The following MICU2 variants were observed in gnomAD, a reference collection of about 807,000 sequenced individuals.
MICU2 encodes the protein calcium uptake protein 2, mitochondrial.
In MICU2, 64 loss-of-function variants were observed where a neutral mutation model predicts 60.4. The observed-to-expected ratio is 1.06, with a 90% CI of 0.87 to 1.31. The LOEUF (loss-of-function observed/expected upper bound fraction) is 1.31. Ranked by LOEUF, MICU2 falls within the 50% of genes most tolerant of loss-of-function variation. The pLI is 0.00. For missense variants in MICU2, 569 were observed against 531.0 expected (o/e 1.07, Z -0.70); for synonymous variants, 201 against 175.0 (o/e 1.15, Z -1.17).
At chr13:21,495,659 C>CCT in intron 10 of MICU2, 1 of 230,620 alleles carries the variant, frequency 4.3e-6, no homozygotes, top group Non-Finnish European at 8.4e-6. Flanking sequence ...CCTCGGCCTC[C>CCT]TGAATAGCTG....
At chr13:21,536,383 C>T (rs987855764) in intron 4 of MICU2, among the ~76,000 whole-genome samples, 2 of 151,460 alleles carry the variant, frequency 1.3e-5, no homozygotes, top group Non-Finnish European at 2.9e-5. Context: ...GCCCAGGTGA[C>T]CACACACAGC....
At chr13:21,531,452 T>A in intron 4 of MICU2, 1 of 643,844 alleles carries the variant, frequency 1.6e-6, no homozygotes, top group Non-Finnish European at 2.7e-6. Flanking sequence ...TATTGCTTTT[T>A]AACAAGAACT....
chr13:21,576,596 A>G (rs1888232640), intron 1 of MICU2, among the ~76,000 whole-genome samples: 1 of 152,150 alleles, frequency 6.6e-6, no homozygotes, highest in Admixed American at 6.6e-5. Flanking sequence ...CTGCAGTAGG[A>G]AAGTGATTCA....
chr13:21,498,500 G>A (rs574923303), intron 9 of MICU2, among the ~76,000 whole-genome samples: 8 of 142,690 alleles, frequency 5.6e-5, no homozygotes, highest in East Asian at 2.4e-4. Context: ...TGTCTCAGCC[G>A]CCTGAGTAGC....
chr13:21,548,336 T>A (rs988168092), intron 2 of MICU2, among the ~76,000 whole-genome samples: 19 of 152,220 alleles, frequency 1.2e-4, no homozygotes, highest in African/African-American at 4.6e-4. Context: ...GTTTCTAATA[T>A]GAACATAGGT....
chr13:21,543,989 G>C (rs1887346342), intron 2 of MICU2, among the ~76,000 whole-genome samples: 1 of 151,932 alleles, frequency 6.6e-6, no homozygotes, highest in Non-Finnish European at 1.5e-5. Flanking sequence ...ACAGAACAGA[G>C]AACCTAGAAA....
chr13:21,577,533 C>A (rs1485247516), intron 1 of MICU2, among the ~76,000 whole-genome samples: 1 of 152,002 alleles, frequency 6.6e-6, no homozygotes, highest in Non-Finnish European at 1.5e-5. Flanking sequence ...TGAGGCTGGG[C>A]GTGGTGGCTC....
At position 21,496,165 on chromosome 13, in the gene MICU2, TAAAGTA is replaced by T; in HGVS notation, c.934-11_934-6del. The T allele has an allele frequency of 6.3e-7, 1 of 1,596,356 alleles. No homozygotes were observed. Among genetic ancestry groups the T allele is most frequent in the South Asian group, 1.1e-5 (1 of 88,632 alleles). Reference sequence around the variant, plus strand: ...GAATTCATCCAAACTAATGCTCTAATAAAGTAAGAGTTTTTATTACAATTTTGTAAG... The same window carrying T: ...GAATTCATCCAAACTAATGCTCTAATAGAGTTTTTATTACAATTTTGTAAG... On this transcript the variant is annotated splice_polypyrimidine_tract_variant and splice_region_variant and intron_variant, in intron 9 of 11. Coordinates refer to ENST00000382374, the MANE Select transcript of MICU2 (RefSeq NM_152726.3).
At chr13:21,599,032 C>T (rs1047279329) in intron 1 of MICU2, among the ~76,000 whole-genome samples, 5 of 152,044 alleles carry the variant, frequency 3.3e-5, no homozygotes, top group African/African-American at 7.3e-5. Flanking sequence ...CTGATAGGAG[C>T]GCAAAACCTA....
Position 21,539,345 on chromosome 13 carries a change from T to C in MICU2, c.423A>G (p.Thr141=), listed in dbSNP as rs779012084. 1 of 1,614,156 alleles carries C rather than the reference T, an allele frequency of 6.2e-7. No homozygotes were observed. The highest frequency in any genetic ancestry group is 8.5e-7 in the Non-Finnish European group (1 of 1,180,010). Residue 141 remains threonine (T), a synonymous_variant, in exon 4 of 12, where the codon ACA becomes ACG. Transcript: ENST00000382374. ...DIEDTLSGIQ[T]AGCGSTFFRD... ...TGAAAAAAGTTGATCCACAGCCAGC[T>C]GTTTGGATCCCTGACAGTGTATCCT... is the stretch of plus-strand genomic sequence containing the variant.
At chr13:21,501,979 T>A (rs1886182695) in intron 9 of MICU2, among the ~76,000 whole-genome samples, 3 of 152,176 alleles carry the variant, frequency 2.0e-5, no homozygotes, top group Admixed American at 2.0e-4. Context: ...TCAGGGTTAA[T>A]TTGTAACTGC....
chr13:21,506,215 C>T (rs1454281946), intron 8 of MICU2, among the ~76,000 whole-genome samples: 2 of 152,052 alleles, frequency 1.3e-5, no homozygotes, highest in African/African-American at 2.4e-5. Context: ...GAGGTTTCGC[C>T]ATGTTGCCCA....
chr13:21,591,460 T>C (rs1472654534), intron 1 of MICU2, among the ~76,000 whole-genome samples: 4 of 152,160 alleles, frequency 2.6e-5, no homozygotes, highest in Non-Finnish European at 5.9e-5. Context: ...CAGTATTGGA[T>C]AGATCAATGA....
At chr13:21,506,386 T>C (rs557023559) in intron 8 of MICU2, among the ~76,000 whole-genome samples, 1 of 152,294 alleles carries the variant, frequency 6.6e-6, no homozygotes, top group Non-Finnish European at 1.5e-5. Flanking sequence ...GCAAAAGGCC[T>C]TCTTCAAGTA....
chr13:21,526,437 C>T (rs1030024797), intron 4 of MICU2, among the ~76,000 whole-genome samples: 1 of 151,946 alleles, frequency 6.6e-6, no homozygotes, highest in African/African-American at 2.4e-5. Flanking sequence ...TCTGTATTTT[C>T]TACAAATGGT....
At chr13:21,602,150 T>C (rs1888834596) in intron 1 of MICU2, among the ~76,000 whole-genome samples, 1 of 149,900 alleles carries the variant, frequency 6.7e-6, no homozygotes, top group African/African-American at 2.5e-5. Flanking sequence ...AATGAGACAC[T>C]GAAGAAGGGT....
At chr13:21,521,152 T>C in intron 6 of MICU2, 93 bp downstream of exon 6, 1 of 1,003,474 alleles carries the variant, frequency 1.0e-6, no homozygotes, top group Non-Finnish European at 1.5e-6. Flanking sequence ...ATGTAAACAA[T>C]GAATACAATT....
At chr13:21,526,836 C>T (rs1398451990) in intron 4 of MICU2, among the ~76,000 whole-genome samples, 3 of 151,736 alleles carry the variant, frequency 2.0e-5, no homozygotes, top group African/African-American at 4.8e-5. Flanking sequence ...TATGGTAGTT[C>T]GGACAGGAAG....
chr13:21,501,489 C>T (rs567743117), intron 9 of MICU2, among the ~76,000 whole-genome samples: 1 of 152,250 alleles, frequency 6.6e-6, no homozygotes, highest in South Asian at 2.1e-4. Flanking sequence ...GTCTTGATCT[C>T]CTGACCTCAT....
Sources: allele counts gnomAD v4.1 joint callset (sites outside exome capture counted in the v4.1 genomes callset), GRCh38; gene constraint gnomAD v4.1.1; transcripts MANE v1.5; gene names NCBI Gene and HGNC (gene_info 2026-07-23, HGNC 2026-07-21).